TDRD3: variants seen among roughly 807,000 people sequenced by gnomAD.
TDRD3 encodes the protein tudor domain containing 3.
Under a neutral mutation model 86.7 loss-of-function variants are expected in TDRD3, and 45 were observed. The ratio of observed to expected loss-of-function variants is 0.52; its 90% CI spans 0.41 to 0.67. TDRD3 has a LOEUF of 0.67. TDRD3 is among the 30% of genes least tolerant of loss of function. The pLI, the probability that TDRD3 is intolerant of heterozygous loss-of-function variation, is 0.00. For synonymous variants in TDRD3, 298 were observed against 301.7 expected, an observed-to-expected ratio of 0.99 and a Z score of 0.13; for missense variants, 814 against 889.0, an observed-to-expected ratio of 0.92 and a Z score of 1.07.
chr13:60,401,579 T>C (rs1216677538), intron 1 of TDRD3, among the ~76,000 whole-genome samples: 1 of 152,230 alleles, frequency 6.6e-6, no homozygotes. Context: ...TAAGGTAGCA[T>C]ATGAAATAGC....
At chr13:60,541,401 A>C (rs551500186) in intron 12 of TDRD3, among the ~76,000 whole-genome samples, 1 of 152,170 alleles carries the variant, frequency 6.6e-6, no homozygotes, top group Non-Finnish European at 1.5e-5. Flanking sequence ...TCCTGACCTC[A>C]GGTGATCCGC....
At chr13:60,492,653 GT>G (rs1555281982) in intron 7 of TDRD3, among the ~76,000 whole-genome samples, 1 of 152,036 alleles carries the variant, frequency 6.6e-6, no homozygotes, top group Non-Finnish European at 1.5e-5. Flanking sequence ...AGTTATACAA[GT>G]AATGACTATG....
intron 12 of TDRD3, among the ~76,000 whole-genome samples, chr13:60,559,388 G>A (rs1375725851): frequency 6.6e-6 from 1 of 152,088 alleles, no homozygotes; most frequent in Non-Finnish European, 1.5e-5. Context: ...ACACGTTTTG[G>A]AACAGAAATA....
At chr13:60,527,644 T>C (rs754175986) in intron 10 of TDRD3, among the ~76,000 whole-genome samples, 1 of 152,212 alleles carries the variant, frequency 6.6e-6, no homozygotes, top group Non-Finnish European at 1.5e-5. Flanking sequence ...AAAAATTACC[T>C]TTCTATATTT....
Position 60,481,350 on chromosome 13 carries a change from T to TG in TDRD3, c.496-2425_496-2424insG, listed in dbSNP as rs1491186764. On this transcript the variant is annotated intron_variant, in intron 5 of 13. Transcript: ENST00000377881. ...GTATTTTTTCTCTTCCCTCTTTGTG[T>TG]TTTTTTTTTTTTTGTATTATATCTT... Among the ~76,000 whole-genome samples the TG allele has an allele frequency of 4.2e-3, 277 of 65,674 alleles. 6 individuals carry two copies. Among genetic ancestry groups the TG allele is most frequent in the South Asian group, 0.015 (29 of 1,902 alleles). The allele number at this position is 65,674 out of a possible 152,430, so 43.1% of individuals were successfully genotyped here. A position where few individuals can be genotyped will look rare whatever the true frequency, so the allele number is the denominator to read the frequency against.
chr13:60,417,027 T>C (rs1185221647), intron 1 of TDRD3, among the ~76,000 whole-genome samples: 1 of 151,864 alleles, frequency 6.6e-6, no homozygotes. Flanking sequence ...CTCTTTTTTT[T>C]TTTTTTTGAG....
chr13:60,443,525 GTAGGGATTATACAACT>G (rs1340209279), intron 2 of TDRD3, among the ~76,000 whole-genome samples: 1 of 151,920 alleles, frequency 6.6e-6, no homozygotes, highest in Non-Finnish European at 1.5e-5. Context: ...GAAAGAATCT[GTAGGGATTATACAACT>G]TATATTCTCA....
At chr13:60,564,468 A>G (rs9538749) in intron 12 of TDRD3, among the ~76,000 whole-genome samples, 20,658 of 152,228 alleles carry the variant, frequency 0.14, 1,671 homozygotes, top group South Asian at 0.2. Context: ...GGCGAAGATG[A>G]CATTGGACAG....
intron 3 of TDRD3, among the ~76,000 whole-genome samples, chr13:60,456,940 C>G (rs573964563): frequency 3.5e-4 from 54 of 152,222 alleles, no homozygotes; most frequent in African/African-American, 1.2e-3. Context: ...AAGCGAGCCA[C>G]CCACCTCCAT....
intron 5 of TDRD3, among the ~76,000 whole-genome samples, chr13:60,478,959 A>G (rs772654923): frequency 1.3e-5 from 2 of 150,876 alleles, no homozygotes; most frequent in Non-Finnish European, 2.9e-5. Flanking sequence ...ACACACCACC[A>G]TGCCTAGCTG....
chr13:60,471,852 C>T (rs1956082051), intron 5 of TDRD3, among the ~76,000 whole-genome samples: 2 of 151,892 alleles, frequency 1.3e-5, no homozygotes, highest in South Asian at 4.1e-4. Context: ...AATTTGAATA[C>T]CTTTATTTAT....
At chr13:60,414,520 T>C (rs1041626519) in intron 1 of TDRD3, among the ~76,000 whole-genome samples, 2 of 152,176 alleles carry the variant, frequency 1.3e-5, no homozygotes, top group African/African-American at 4.8e-5. Flanking sequence ...ATTAATTCTT[T>C]ATTACTTAGA....
At chr13:60,477,239 G>A (rs984095052) in intron 5 of TDRD3, among the ~76,000 whole-genome samples, 3 of 143,080 alleles carry the variant, frequency 2.1e-5, no homozygotes, top group East Asian at 3.9e-4. Context: ...TATTAAGACA[G>A]AATCTTGCTC....
chr13:60,405,146 A>C (rs1954204246), intron 1 of TDRD3, among the ~76,000 whole-genome samples: 1 of 152,014 alleles, frequency 6.6e-6, no homozygotes, highest in Admixed American at 6.5e-5. Context: ...ATGAAAAAGG[A>C]CTATTAGAGA....
upstream of TDRD3, among the ~76,000 whole-genome samples, chr13:60,395,788 T>A (rs1953884756): frequency 6.6e-6 from 1 of 152,148 alleles, no homozygotes. Flanking sequence ...TCCTGGCTCC[T>A]GTATATGATG....
At chr13:60,476,746 T>C (rs2137458221) in intron 5 of TDRD3, among the ~76,000 whole-genome samples, 1 of 152,298 alleles carries the variant, frequency 6.6e-6, no homozygotes, top group South Asian at 2.1e-4. Flanking sequence ...AGCAATGTTT[T>C]GTAATTCTCA....
intron 4 of TDRD3, among the ~76,000 whole-genome samples, chr13:60,466,469 T>A (rs1283960476): frequency 6.6e-6 from 1 of 152,090 alleles, no homozygotes; most frequent in Non-Finnish European, 1.5e-5. Context: ...AGACTAAACC[T>A]CATTTCTTTG....
Position 60,397,267 on chromosome 13 carries a change from CTTTTCTT to C in TDRD3, c.-93_-87del. ...GCCGACCAGAGGAGTTTTTTCTTTT[CTTTTCTT>C]TTTTTTTTTTTAAGGGGGGGGGTCT... is the stretch of plus-strand genomic sequence containing the variant. On this transcript the variant is annotated 5_prime_UTR_variant, in exon 1 of 14. It introduces an in-frame stop codon into an upstream open reading frame of the 5' UTR. Transcript: ENST00000377881. The C allele has an allele frequency of 6.2e-6, 4 of 646,954 alleles. No individual in the cohort carries two copies. The highest frequency in any genetic ancestry group is 9.1e-6 in the Non-Finnish European group (4 of 440,110). 40.1% of individuals were successfully genotyped at this position (646,954 alleles called of 1,614,324 possible).
At chr13:60,530,992 T>C (rs551946465) in intron 11 of TDRD3, among the ~76,000 whole-genome samples, 1 of 152,224 alleles carries the variant, frequency 6.6e-6, no homozygotes, top group African/African-American at 2.4e-5. Context: ...TGCCTGATGA[T>C]AGAATAAGGA....
Sources: gnomAD v4.1 joint callset for allele counts (sites outside exome capture counted in the v4.1 genomes callset) on GRCh38, gnomAD v4.1.1 for gene constraint, MANE v1.5 for transcripts, NCBI Gene and HGNC (gene_info 2026-07-23, HGNC 2026-07-21) for gene names.